The following DNPEP variants were observed in gnomAD, a reference collection of about 807,000 sequenced individuals.
DNPEP encodes aspartyl aminopeptidase.
A neutral mutation model predicts 59.1 loss-of-function variants in DNPEP; 46 were observed. The ratio of observed to expected loss-of-function variants is 0.78; its 90% CI spans 0.61 to 0.99. DNPEP has a LOEUF of 0.99. DNPEP is among the 50% of genes least tolerant of loss of function. The probability of loss-of-function intolerance (pLI) is 0.00; values close to 1 mark genes in which losing one functional copy is unlikely to be tolerated. For synonymous variants in DNPEP, 229 were observed against 242.2 expected (o/e 0.95, Z 0.50); for missense variants, 617 against 649.9 (o/e 0.95, Z 0.55).
chr2:219,385,983 T>C lies in DNPEP; in HGVS notation c.575A>G (p.Asn192Ser), dbSNP rs1486376818. Residue 192 changes from asparagine (N) to serine (S), a missense_variant, in exon 6 of 15, where the codon AAC becomes AGC. Transcript: ENST00000273075. ...CCAGTCTCACAGATGCATCTCTGTG[T>C]TGGGCCCAAAGTTCTCGTTGATATT... ...QRNINENFGP[N>S]TEMHLVPILA... is the part of the protein sequence containing the mutation. 6.2e-7 allele frequency: 1 copy of C among 1,614,114 alleles called. No homozygotes were observed. Among genetic ancestry groups the C allele is most frequent in the Admixed American group, 1.7e-5 (1 of 60,008 alleles).
Position 219,372,149 on chromosome 2 carries a change from C to G in DNPEP, c.*2143G>C, listed in dbSNP as rs1055832871. Among the ~76,000 whole-genome samples, 2 of 151,998 alleles carry G rather than the reference C, an allele frequency of 1.3e-5. No homozygotes were observed. Among genetic ancestry groups the G allele is most frequent in the Admixed American group, 1.3e-4 (2 of 15,248 alleles). On this transcript the variant is annotated 3_prime_UTR_variant, in exon 15 of 15. Transcript: ENST00000273075. ...ACCATCTATACAATAAAATACTGTA[C>G]GCCAATTGTAAGAGTAAATACAGTG...
intron 10 of DNPEP, among the ~76,000 whole-genome samples, 193 bp downstream of exon 10, chr2:219,382,938 G>A (rs1488991572): frequency 1.3e-5 from 2 of 152,176 alleles, no homozygotes; most frequent in Non-Finnish European, 2.9e-5. Context: ...GAGAGATACA[G>A]GAGAGACGGT....
chr2:219,393,604 C>T (rs1023163178), upstream of DNPEP: 3 of 152,294 alleles, frequency 2.0e-5, no homozygotes, highest in African/African-American at 7.2e-5. Context: ...TAAACTCAAC[C>T]ACTAACCTAA....
chr2:219,384,825 C>A, intron 8 of DNPEP: 1 of 197,248 alleles, frequency 5.1e-6, no homozygotes, highest in South Asian at 7.9e-5. Flanking sequence ...CCGCCTCAGC[C>A]TCCCAAAGTG....
chr2:219,387,044 C>T (rs1365396328), intron 2 of DNPEP, 26 bp downstream of exon 2: 1 of 1,611,366 alleles, frequency 6.2e-7, no homozygotes, highest in African/African-American at 1.3e-5. Flanking sequence ...CCTCCACCCT[C>T]CTCCCTTGCC....
At chr2:219,386,559 C>G (rs528828428) in intron 4 of DNPEP, 106 bp downstream of exon 4, 8 of 1,441,856 alleles carry the variant, frequency 5.5e-6, no homozygotes, top group Admixed American at 4.0e-5. Context: ...TTTACCTTCT[C>G]CCTTACTCCA....
At chr2:219,394,441 A>T (rs1465089361) in intron 1 of DNPEP, among the ~76,000 whole-genome samples, 14 of 151,896 alleles carry the variant, frequency 9.2e-5, no homozygotes, top group Non-Finnish European at 1.5e-5. Flanking sequence ...TTATTTTATT[A>T]TATTCATGTT....
At chr2:219,374,703 G>T in intron 14 of DNPEP, 152 bp downstream of exon 14, 1 of 933,556 alleles carries the variant, frequency 1.1e-6, no homozygotes, top group Non-Finnish European at 1.6e-6. Context: ...TGGTTGGCCA[G>T]GACCCTTGTT....
intron 7 of DNPEP, 48 bp from the exon 8 acceptor site, chr2:219,385,579 C>T (rs1209175062): frequency 1.2e-6 from 2 of 1,609,514 alleles, no homozygotes; most frequent in South Asian, 1.1e-5. Context: ...CCTCTCCTCC[C>T]CACTTCTCAG....
chr2:219,384,489 A>G (rs372276024), intron 8 of DNPEP, 46 bp from the exon 9 acceptor site: 1 of 1,521,618 alleles, frequency 6.6e-7, no homozygotes, highest in Non-Finnish European at 9.0e-7. Flanking sequence ...CTCCACCCCC[A>G]CTCACCTTTC....
upstream of DNPEP, among the ~76,000 whole-genome samples, chr2:219,392,498 C>CT (rs1353090885): frequency 6.6e-6 from 1 of 151,954 alleles, no homozygotes; most frequent in African/African-American, 2.4e-5. Flanking sequence ...TAGGTGCCCT[C>CT]TACCACACCC....
chr2:219,385,397 C>T (rs986464706), intron 8 of DNPEP, 27 bp downstream of exon 8: 16 of 1,560,254 alleles, frequency 1.0e-5, no homozygotes, highest in South Asian at 2.2e-5. Flanking sequence ...GGCCCTTCAC[C>T]CACAGGTTCC....
rs1953275327 is a variant in DNPEP, at chr2:219,374,115, C to T, written c.*177G>A. 1 of 618,842 alleles carries T rather than the reference C, an allele frequency of 1.6e-6. No individual in the cohort carries two copies. Among genetic ancestry groups the T allele is most frequent in the Non-Finnish European group, 2.8e-6 (1 of 353,208 alleles). The allele number at this position is 618,842 out of a possible 1,614,324, so 38.3% of individuals were successfully genotyped here. On this transcript the variant is annotated 3_prime_UTR_variant, in exon 15 of 15. Coordinates refer to ENST00000273075, the MANE Select transcript of DNPEP (RefSeq NM_012100.4). ...GAGTGTGGCCTCCTCCACCTGCTCC[C>T]CAACTTTTCTGGTTCCAAAGGTTCA...
At chr2:219,387,203 A>T in intron 1 of DNPEP, 40 bp from the exon 2 acceptor site, 1 of 1,539,924 alleles carries the variant, frequency 6.5e-7, no homozygotes, top group Non-Finnish European at 8.8e-7. Context: ...AAGGTCTGGG[A>T]CCCCTGACCT....
Position 219,372,924 on chromosome 2 carries a change from T to A in DNPEP, c.*1368A>T, listed in dbSNP as rs1224347818. Among the ~76,000 whole-genome samples the A allele has an allele frequency of 1.3e-5, 2 of 152,172 alleles. No homozygotes were observed. The highest frequency in any genetic ancestry group is 3.8e-4 in the East Asian group (2 of 5,202). On this transcript the variant is annotated 3_prime_UTR_variant, in exon 15 of 15. Transcript: ENST00000273075. Reference sequence around the variant, plus strand: ...GATATAGAAATATCTCTATATTATATTAAGTTTTTTAGAAAGCTGAAGTGG... The same window carrying A: ...GATATAGAAATATCTCTATATTATAATAAGTTTTTTAGAAAGCTGAAGTGG...
chr2:219,382,305 C>CT (rs1480297620), intron 10 of DNPEP, among the ~76,000 whole-genome samples, 166 bp from the exon 11 acceptor site: 2 of 152,200 alleles, frequency 1.3e-5, no homozygotes, highest in African/African-American at 4.8e-5. Flanking sequence ...AGACAGTGGG[C>CT]TGAGACCAAA....
chr2:219,399,927 G>A (rs1333751459), intron 1 of DNPEP: 3 of 1,550,466 alleles, frequency 1.9e-6, no homozygotes, highest in East Asian at 4.9e-5. Flanking sequence ...CCGAGCCATG[G>A]TGACCTGCTC....
rs968852572 is a variant in DNPEP at position 219,386,001 on chromosome 2, T to C, written c.557A>G (p.Asn186Ser). 6.8e-6 allele frequency: 11 copies of C among 1,614,026 alleles called. No individual in the cohort carries two copies. In the African/African-American group the frequency reaches 1.3e-4, roughly 20 times the overall value. ...CTCTGTGTTGGGCCCAAAGTTCTCG[T>C]TGATATTTCGCTGCAGATGGATGGC... ...HLAIHLQRNINENFGPNTEMH... is the reference protein window; with the variant it reads ...HLAIHLQRNISENFGPNTEMH... The change falls in exon 6 of 15, where the codon AAC becomes AGC. Residue 186 changes from asparagine (N) to serine (S), a missense_variant. Asn to Ser is a conservative substitution (Grantham distance 46, BLOSUM62 1). Coordinates refer to ENST00000273075, the MANE Select transcript of DNPEP (RefSeq NM_012100.4).
intron 12 of DNPEP, 38 bp from the exon 13 acceptor site, chr2:219,381,474 C>A (rs1330132573): frequency 6.2e-7 from 1 of 1,613,794 alleles, no homozygotes; most frequent in Admixed American, 1.7e-5. Flanking sequence ...TAATGACAGG[C>A]CCAAAGGGAA....
Sources: gnomAD v4.1 joint callset for allele counts (sites outside exome capture counted in the v4.1 genomes callset) on GRCh38, gnomAD v4.1.1 for gene constraint, MANE v1.5 for transcripts, NCBI Gene and HGNC (gene_info 2026-07-23, HGNC 2026-07-21) for gene names.